ZHX2: variants seen among roughly 807,000 people sequenced by gnomAD.
ZHX2 encodes zinc fingers and homeoboxes protein 2.
Under a neutral mutation model 21.9 loss-of-function variants are expected in ZHX2, and 6 were observed. The ratio of observed to expected loss-of-function variants is 0.27; its 90% CI spans 0.15 to 0.54. The LOEUF (loss-of-function observed/expected upper bound fraction) is 0.54. Ranked by LOEUF, ZHX2 falls within the 20% of genes least tolerant of loss-of-function variation. The pLI is 0.95. For missense variants in ZHX2, 908 were observed against 1,090.7 expected (o/e 0.83, Z 2.36); for synonymous variants, 434 against 437.1 (o/e 0.99, Z 0.09).
intron 2 of ZHX2, among the ~76,000 whole-genome samples, chr8:122,939,205 C>T (rs1812780439): frequency 6.6e-6 from 1 of 152,188 alleles, no homozygotes; most frequent in Non-Finnish European, 1.5e-5. Flanking sequence ...ATTTTCATCC[C>T]CATGTTACAA....
chr8:122,784,993 T>TACAC (rs1165831683), intron 1 of ZHX2, among the ~76,000 whole-genome samples: 1 of 152,214 alleles, frequency 6.6e-6, no homozygotes, highest in Admixed American at 6.5e-5. Flanking sequence ...GCTGGTGGGA[T>TACAC]ACACACCCCC....
intron 3 of ZHX2, among the ~76,000 whole-genome samples, chr8:122,956,309 G>T (rs1401725476): frequency 6.6e-6 from 1 of 152,226 alleles, no homozygotes; most frequent in Non-Finnish European, 1.5e-5. Context: ...ACAGTGCCAT[G>T]AGAGAGACAG....
intron 2 of ZHX2, among the ~76,000 whole-genome samples, chr8:122,874,105 G>C (rs959994126): frequency 1.3e-5 from 2 of 152,208 alleles, no homozygotes; most frequent in African/African-American, 4.8e-5. Flanking sequence ...AAGGGGGAAA[G>C]AGTAGACAAG....
At chr8:122,879,576 A>T (rs1471547168) in intron 2 of ZHX2, among the ~76,000 whole-genome samples, 1 of 148,076 alleles carries the variant, frequency 6.8e-6, no homozygotes, top group Non-Finnish European at 1.5e-5. Flanking sequence ...TTCATACTTG[A>T]TATCTTCCAC....
intron 1 of ZHX2, among the ~76,000 whole-genome samples, chr8:122,847,667 C>T (rs536710132): frequency 4.6e-5 from 7 of 152,354 alleles, no homozygotes; most frequent in Non-Finnish European, 5.9e-5. Context: ...GGGATGTGCT[C>T]ATGATGACTG....
intron 1 of ZHX2, among the ~76,000 whole-genome samples, chr8:122,819,046 A>G (rs972158539): frequency 6.6e-6 from 1 of 152,222 alleles, no homozygotes; most frequent in Non-Finnish European, 1.5e-5. Flanking sequence ...GGGAGAAGAG[A>G]ACGAAGAGAG....
chr8:122,876,719 C>T (rs1053589338), intron 2 of ZHX2, among the ~76,000 whole-genome samples: 4 of 152,214 alleles, frequency 2.6e-5, no homozygotes, highest in South Asian at 4.1e-4. Context: ...CACCCCTGCT[C>T]GCCTGAGGCT....
intron 2 of ZHX2, among the ~76,000 whole-genome samples, chr8:122,867,731 TA>T (rs994203052): frequency 5.3e-5 from 8 of 152,158 alleles, no homozygotes; most frequent in Non-Finnish European, 1.2e-4. Flanking sequence ...GTAAATGAGA[TA>T]AAATGTGGAA....
At chr8:122,807,794 C>T (rs1262325665) in intron 1 of ZHX2, 2 of 152,212 alleles carry the variant, frequency 1.3e-5, no homozygotes, top group Non-Finnish European at 2.9e-5. Context: ...ATAAGCAAAC[C>T]GAGGCACTGG....
intron 2 of ZHX2, among the ~76,000 whole-genome samples, chr8:122,890,934 T>C (rs1819959761): frequency 6.6e-6 from 1 of 152,194 alleles, no homozygotes. Context: ...CTTTCCCATA[T>C]GCAAATCATA....
intron 1 of ZHX2, among the ~76,000 whole-genome samples, chr8:122,785,083 G>A (rs947960700): frequency 6.6e-6 from 1 of 152,246 alleles, no homozygotes; most frequent in Non-Finnish European, 1.5e-5. Flanking sequence ...TGCTATGATT[G>A]AGAAAACTAA....
chr8:122,836,128 C>T (rs1818489199), intron 1 of ZHX2, among the ~76,000 whole-genome samples: 1 of 152,144 alleles, frequency 6.6e-6, no homozygotes, highest in African/African-American at 2.4e-5. Context: ...CTGCCATTTT[C>T]GTTCCCAGAA....
At chr8:122,888,801 C>T (rs934928826) in intron 2 of ZHX2, among the ~76,000 whole-genome samples, 7 of 152,134 alleles carry the variant, frequency 4.6e-5, no homozygotes, top group South Asian at 2.1e-4. Context: ...TTATTGTTAA[C>T]GGTAATCACT....
At chr8:122,799,786 A>G (rs1419602689) in intron 1 of ZHX2, among the ~76,000 whole-genome samples, 1 of 151,816 alleles carries the variant, frequency 6.6e-6, no homozygotes, top group East Asian at 1.9e-4. Flanking sequence ...TGTCCACCTG[A>G]CTCTCAGCCC....
At chr8:122,891,270 TTGTGTGTGTGTGTGTGTGTGTGTGTGTG>T (rs59893492) in intron 2 of ZHX2, among the ~76,000 whole-genome samples, 1 of 77,738 alleles carries the variant, frequency 1.3e-5, no homozygotes, top group South Asian at 5.6e-4. Flanking sequence ...TCTTGGTAGA[TTGTGTGTGTGTGTGTGTGTGTGTGTGTG>T]TGTGTGTGTG....
Position 122,952,341 on chromosome 8 carries a change from G to T in ZHX2, c.831G>T (p.Met277Ile). 2 of 1,614,160 alleles carry T rather than the reference G, an allele frequency of 1.2e-6. No homozygotes were observed. The highest frequency in any genetic ancestry group is 8.5e-7 in the Non-Finnish European group (1 of 1,180,028). Residue 277 changes from methionine to isoleucine, a missense_variant, in exon 3 of 4, where the codon ATG (methionine) becomes ATT (isoleucine). By Grantham distance (10) the Met-to-Ile change is conservative (BLOSUM62 1). Transcript: ENST00000314393. The surrounding 1 kb of genome is among the most constrained non-coding windows in gnomAD (Gnocchi z 6.9). ...YNSALDTNAT[M>I]INSFNKFPYP... ...CTGCCCTGGATACAAATGCCACGATGATCAACTCTTTCAACAAGTTTCCTT... is the reference window on the plus strand; with the variant it reads ...CTGCCCTGGATACAAATGCCACGATTATCAACTCTTTCAACAAGTTTCCTT...
At chr8:122,916,702 C>T (rs564985048) in intron 2 of ZHX2, among the ~76,000 whole-genome samples, 3 of 152,164 alleles carry the variant, frequency 2.0e-5, no homozygotes, top group African/African-American at 7.2e-5. Context: ...GAAAAAGGAG[C>T]GTCTCTTCTC....
chr8:122,899,542 A>T (rs1195557589), intron 2 of ZHX2, among the ~76,000 whole-genome samples: 1 of 152,228 alleles, frequency 6.6e-6, no homozygotes, highest in Non-Finnish European at 1.5e-5. Flanking sequence ...CAATAGAAAA[A>T]GGTGTATCCA....
intron 1 of ZHX2, among the ~76,000 whole-genome samples, chr8:122,846,668 A>G (rs1359681811): frequency 1.3e-5 from 2 of 149,286 alleles, no homozygotes; most frequent in African/African-American, 4.9e-5. Context: ...TTGTCCTATG[A>G]TGGCTTCTGA....
Sources: allele counts gnomAD v4.1 joint callset (sites outside exome capture counted in the v4.1 genomes callset), GRCh38; gene constraint gnomAD v4.1.1; non-coding constraint Gnocchi (gnomAD v3.1); transcripts MANE v1.5; gene names NCBI Gene and HGNC (gene_info 2026-07-23, HGNC 2026-07-21).